Variants in ZSWIM5 observed in about 807,000 individuals in gnomAD.
The protein encoded by ZSWIM5 is zinc finger SWIM domain-containing protein 5.
A neutral mutation model predicts 119.6 loss-of-function variants in ZSWIM5; 55 were observed. That is an observed-to-expected ratio of 0.46 (90% CI 0.37 to 0.58). ZSWIM5 has a LOEUF of 0.58. Among genes scored for constraint, ZSWIM5 ranks in the 20% least tolerant of loss-of-function variants. ZSWIM5 has a pLI of 0.00. For synonymous variants in ZSWIM5, 537 were observed against 606.9 expected (o/e 0.88, Z 1.69); for missense variants, 1,193 against 1,512.8 (o/e 0.79, Z 3.51).
At chr1:45,157,064 C>T (rs1168377674) in intron 1 of ZSWIM5, among the ~76,000 whole-genome samples, 1 of 152,074 alleles carries the variant, frequency 6.6e-6, no homozygotes. Context: ...CTATAGGCAA[C>T]CATTGTTCTG....
rs1054828671 is a variant in ZSWIM5 at position 45,019,121 on chromosome 1, C to T, written c.2891G>A (p.Ser964Asn). The change falls in exon 14 of 14, where the codon AGC (serine) becomes AAC (asparagine). Residue 964 changes from serine (S) to asparagine (N), a missense_variant. Physicochemically the swap from Ser to Asn is conservative, Grantham distance 46. This residue lies in a region of ZSWIM5 where 961 missense variants were observed against 1,290.0 expected (regional missense o/e 0.74). Transcript: ENST00000359600. This position sits in a 1 kb window ranked among gnomAD's most constrained non-coding sequence, Gnocchi z 5.0. ...ALQCAMKDPQ[S>N]CALSALTLCE... Reference sequence around the variant, plus strand: ...GAGTGTAAGGGCTGACAGGGCACAGCTCTGTGGATCCTTCATAGCACACTG... The same window carrying T: ...GAGTGTAAGGGCTGACAGGGCACAGTTCTGTGGATCCTTCATAGCACACTG... 2.5e-6 allele frequency: 4 copies of T among 1,614,150 alleles called. No homozygotes were observed. Among genetic ancestry groups the T allele is most frequent in the Non-Finnish European group, 3.4e-6 (4 of 1,180,036 alleles).
chr1:45,051,283 C>T (rs1645087068), intron 4 of ZSWIM5, 30 bp from the exon 5 acceptor site: 3 of 1,601,696 alleles, frequency 1.9e-6, no homozygotes, highest in African/African-American at 2.7e-5. Flanking sequence ...ATATTCTTAA[C>T]ATCTCTCCTT....
intron 1 of ZSWIM5, among the ~76,000 whole-genome samples, chr1:45,131,863 T>C (rs1012400976): frequency 6.6e-6 from 1 of 151,408 alleles, no homozygotes. Context: ...TTCTTACAAT[T>C]AGTAGCTAAC....
intron 1 of ZSWIM5, among the ~76,000 whole-genome samples, chr1:45,156,199 A>T (rs1340668498): frequency 6.6e-6 from 1 of 152,114 alleles, no homozygotes; most frequent in African/African-American, 2.4e-5. Context: ...AGAAAACCAA[A>T]CACCACATGT....
rs539617314 is a variant in ZSWIM5, at chr1:45,142,082, T to C, written c.596-53845A>G. On this transcript the variant is annotated intron_variant, in intron 1 of 13. Transcript: ENST00000359600. ...AAAATTAGCCAGCCATGGTTGTGCATGTCTGTGGTCCTAGCTACTCAGGAG... is the reference window on the plus strand; with the variant it reads ...AAAATTAGCCAGCCATGGTTGTGCACGTCTGTGGTCCTAGCTACTCAGGAG... Among the ~76,000 whole-genome samples, 18 of 152,188 alleles carry C rather than the reference T, an allele frequency of 1.2e-4. No homozygotes were observed. The South Asian group carries it at 3.1e-3, about 26-fold the overall frequency.
chr1:45,190,088 C>A (rs887701091), intron 1 of ZSWIM5, among the ~76,000 whole-genome samples: 1 of 152,076 alleles, frequency 6.6e-6, no homozygotes. Flanking sequence ...CTGAAGCAGG[C>A]AGACTGCTTG....
At position 45,063,250 on chromosome 1, in the gene ZSWIM5, C is replaced by T. The variant is rs150425931; in HGVS notation, c.953-3003G>A. On this transcript the variant is annotated intron_variant, in intron 2 of 13. Coordinates refer to ENST00000359600, the MANE Select transcript of ZSWIM5 (RefSeq NM_020883.2). ...CTGTTGGGCACCTAGGTTGATTCCA[C>T]GTCTTTGCTATTGTGAATATGAGTG... Among the ~76,000 whole-genome samples the T allele has an allele frequency of 2.5e-3, 388 of 152,230 alleles. 3 individuals are homozygous for T. The highest frequency in any genetic ancestry group is 8.9e-3 in the African/African-American group (368 of 41,532).
intron 1 of ZSWIM5, among the ~76,000 whole-genome samples, chr1:45,171,137 T>C (rs925889198): frequency 6.6e-6 from 1 of 152,152 alleles, no homozygotes; most frequent in Non-Finnish European, 1.5e-5. Flanking sequence ...GAGGATTTAT[T>C]CAAATAATTA....
chr1:45,069,099 A>AGC (rs1645204059), intron 2 of ZSWIM5, among the ~76,000 whole-genome samples: 2 of 151,958 alleles, frequency 1.3e-5, no homozygotes, highest in South Asian at 4.2e-4. Context: ...GGCGTGAACC[A>AGC]TCCCACCCAG....
At chr1:45,151,989 G>T (rs1489487104) in intron 1 of ZSWIM5, among the ~76,000 whole-genome samples, 4 of 152,146 alleles carry the variant, frequency 2.6e-5, no homozygotes, top group Admixed American at 6.5e-5. Context: ...ATGCATTGGT[G>T]TATGATCCCT....
intron 4 of ZSWIM5, among the ~76,000 whole-genome samples, chr1:45,054,326 T>C (rs1292954032): frequency 6.6e-6 from 1 of 152,176 alleles, no homozygotes; most frequent in Non-Finnish European, 1.5e-5. Flanking sequence ...CTCATGTCTA[T>C]GGTCCCAGCA....
chr1:45,086,567 G>C (rs576581649), intron 2 of ZSWIM5, among the ~76,000 whole-genome samples: 103 of 152,198 alleles, frequency 6.8e-4, no homozygotes, highest in African/African-American at 2.5e-3. Context: ...CTCACTCATA[G>C]GTGGGAATTG....
chr1:45,116,617 TGAA>T (rs1160372854), intron 1 of ZSWIM5, among the ~76,000 whole-genome samples: 2 of 152,152 alleles, frequency 1.3e-5, no homozygotes, highest in African/African-American at 4.8e-5. Context: ...AGAGAACAAC[TGAA>T]GGCAGTAAGG....
chr1:45,191,425 T>C (rs1253592392), intron 1 of ZSWIM5, among the ~76,000 whole-genome samples: 1 of 152,192 alleles, frequency 6.6e-6, no homozygotes, highest in African/African-American at 2.4e-5. Flanking sequence ...ACAGTGTAGT[T>C]CACCTTCATC....
chr1:45,145,399 C>T lies in ZSWIM5; in HGVS notation c.596-57162G>A, dbSNP rs567512121. On this transcript the variant is annotated intron_variant, in intron 1 of 13. Transcript: ENST00000359600. The stretch of plus-strand genomic sequence containing the variant: ...TTTATAGCAGCTCCATTCATAACTG[C>T]CAAAAATTAGAAACAACCCAAATAT... Among the ~76,000 whole-genome samples the T allele has an allele frequency of 2.7e-5, 4 of 150,520 alleles. No individual in the cohort carries two copies. In the South Asian group the frequency reaches 8.4e-4, roughly 32 times the overall value.
intron 8 of ZSWIM5, among the ~76,000 whole-genome samples, chr1:45,037,695 G>A (rs1644993572): frequency 6.6e-6 from 1 of 152,168 alleles, no homozygotes; most frequent in African/African-American, 2.4e-5. Flanking sequence ...GGGATCAGAG[G>A]GAAGATAAGG....
intron 2 of ZSWIM5, among the ~76,000 whole-genome samples, chr1:45,086,386 CA>C (rs1189164102): frequency 9.9e-5 from 15 of 152,052 alleles, no homozygotes; most frequent in Admixed American, 5.2e-4. Context: ...TAGGGAAACT[CA>C]AAAAACTTTA....
chr1:45,167,562 G>A (rs1200017466), intron 1 of ZSWIM5, among the ~76,000 whole-genome samples: 1 of 151,974 alleles, frequency 6.6e-6, no homozygotes, highest in Non-Finnish European at 1.5e-5. Context: ...GAAAATTTTT[G>A]CAATCTACCC....
At chr1:45,169,797 T>C (rs1334328373) in intron 1 of ZSWIM5, among the ~76,000 whole-genome samples, 2 of 152,134 alleles carry the variant, frequency 1.3e-5, no homozygotes, top group Non-Finnish European at 1.5e-5. Flanking sequence ...CTGTATTAGA[T>C]GGTAGAATCT....
Sources: gnomAD v4.1 joint callset for allele counts (sites outside exome capture counted in the v4.1 genomes callset) on GRCh38, gnomAD v4.1.1 for gene constraint, gnomAD v4.1.1 regional missense constraint, Gnocchi (gnomAD v3.1) non-coding constraint, MANE v1.5 for transcripts, NCBI Gene and HGNC (gene_info 2026-07-23, HGNC 2026-07-21) for gene names.